Variants in SIK2 observed in about 807,000 individuals in gnomAD.
SIK2 encodes serine/threonine-protein kinase SIK2.
SIK2 carries 29 observed loss-of-function variants against 103.2 expected under a neutral mutation model. The ratio of observed to expected loss-of-function variants is 0.28; its 90% CI spans 0.21 to 0.38. SIK2 has a LOEUF of 0.38. Among genes scored for constraint, SIK2 ranks in the 10% least tolerant of loss-of-function variants. The pLI is 1.00. For synonymous variants in SIK2, 412 were observed against 446.1 expected, an observed-to-expected ratio of 0.92 and a Z score of 0.96; for missense variants, 879 against 1,171.0, an observed-to-expected ratio of 0.75 and a Z score of 3.64.
chr11:111,620,327 AT>A lies in SIK2; in HGVS notation c.253-9del. On this transcript the variant is annotated splice_polypyrimidine_tract_variant and intron_variant, in intron 2 of 14. Coordinates refer to ENST00000304987, the MANE Select transcript of SIK2 (RefSeq NM_015191.3). ...ATTTCTGTCAGACTAATATGGAATT[AT>A]TTATCAATAGGTAATGGAGACCAAA... is the stretch of plus-strand genomic sequence containing the variant. The A allele has an allele frequency of 6.5e-7, 1 of 1,532,328 alleles. No individual in the cohort carries two copies. Among genetic ancestry groups the A allele is most frequent in the Non-Finnish European group, 8.9e-7 (1 of 1,123,006 alleles). The allele number at this position is 1,532,328 out of a possible 1,614,324, so 94.9% of individuals were successfully genotyped here. A position where few individuals can be genotyped will look rare whatever the true frequency, so the allele number is the denominator to read the frequency against.
At chr11:111,693,004 A>AG (rs1942983595) in intron 4 of SIK2, among the ~76,000 whole-genome samples, 1 of 152,124 alleles carries the variant, frequency 6.6e-6, no homozygotes, top group African/African-American at 2.4e-5. Context: ...CATGGCTTTG[A>AG]GATCAGTTTC....
At chr11:111,631,987 G>C (rs1942046670) in intron 3 of SIK2, among the ~76,000 whole-genome samples, 1 of 152,126 alleles carries the variant, frequency 6.6e-6, no homozygotes, top group South Asian at 2.1e-4. Context: ...ACAAAGAGTT[G>C]AAGTAGTTTC....
At chr11:111,651,277 A>G (rs1325283710) in intron 3 of SIK2, among the ~76,000 whole-genome samples, 3 of 152,212 alleles carry the variant, frequency 2.0e-5, no homozygotes, top group Admixed American at 1.3e-4. Context: ...GCTTACAAAG[A>G]CATGGAATCA....
intron 8 of SIK2, among the ~76,000 whole-genome samples, chr11:111,710,395 T>G (rs1389004169): frequency 2.0e-5 from 3 of 152,236 alleles, no homozygotes; most frequent in Non-Finnish European, 4.4e-5. Flanking sequence ...TAATGCTACT[T>G]TATCTTATAC....
At chr11:111,720,345 G>C (rs1466794537) in intron 10 of SIK2, 133 bp from the exon 11 acceptor site, 1 of 973,552 alleles carries the variant, frequency 1.0e-6, no homozygotes, top group Non-Finnish European at 1.5e-6. Flanking sequence ...CAGTAAAAGG[G>C]CTCTGAAAAG....
chr11:111,685,444 G>T (rs1010808521), intron 3 of SIK2, among the ~76,000 whole-genome samples: 1 of 152,202 alleles, frequency 6.6e-6, no homozygotes, highest in African/African-American at 2.4e-5. Context: ...ATTACATACA[G>T]TGTGAGGCAG....
chr11:111,624,997 G>A (rs1415522377), intron 3 of SIK2, among the ~76,000 whole-genome samples: 3 of 152,088 alleles, frequency 2.0e-5, no homozygotes, highest in African/African-American at 7.2e-5. Context: ...GTGTGTCCAA[G>A]GGGTAACAGG....
intron 8 of SIK2, among the ~76,000 whole-genome samples, chr11:111,708,726 A>G (rs1473072807): frequency 3.3e-5 from 5 of 151,966 alleles, no homozygotes; most frequent in Admixed American, 1.3e-4. Flanking sequence ...TGGGACCACA[A>G]GTGCATGCCA....
intron 3 of SIK2, among the ~76,000 whole-genome samples, chr11:111,674,561 T>A (rs1441849918): frequency 3.3e-5 from 5 of 152,180 alleles, no homozygotes; most frequent in African/African-American, 1.2e-4. Flanking sequence ...GGTCTTAATA[T>A]CTAAAGATGT....
chr11:111,616,772 C>T (rs1470248110), intron 2 of SIK2, among the ~76,000 whole-genome samples: 1 of 151,808 alleles, frequency 6.6e-6, no homozygotes, highest in Non-Finnish European at 1.5e-5. Flanking sequence ...CTTGAGGTTG[C>T]AGTGAGCTAT....
At position 111,617,823 on chromosome 11, in the gene SIK2, C is replaced by CTGTTTGTGT. The variant is rs1307858483; in HGVS notation, c.252+1464_252+1465insTGTTTGTGT. On this transcript the variant is annotated intron_variant, in intron 2 of 14. Transcript: ENST00000304987. ...TTTATATATACGTCACCATATGTGCCATGTGTGTTTGTGTATGTGTGTGTG... is the reference window on the plus strand; with the variant it reads ...TTTATATATACGTCACCATATGTGCCTGTTTGTGTATGTGTGTTTGTGTATGTGTGTGTG... Among the ~76,000 whole-genome samples the CTGTTTGTGT allele has an allele frequency of 2.2e-4, 33 of 151,160 alleles. 1 individual carries two copies. The South Asian group carries it at 5.1e-3, about 23-fold the overall frequency.
chr11:111,607,515 A>G (rs943877233), intron 1 of SIK2, among the ~76,000 whole-genome samples: 1 of 152,176 alleles, frequency 6.6e-6, no homozygotes, highest in South Asian at 2.1e-4. Flanking sequence ...GACTCCTTTC[A>G]GTAGTCTTGG....
intron 3 of SIK2, among the ~76,000 whole-genome samples, chr11:111,638,380 T>C (rs1175633923): frequency 6.6e-6 from 1 of 152,158 alleles, no homozygotes; most frequent in African/African-American, 2.4e-5. Flanking sequence ...GATTTGGGGA[T>C]TGAATTATTT....
At chr11:111,616,181 T>A in intron 1 of SIK2, 62 bp from the exon 2 acceptor site, 1 of 1,117,884 alleles carries the variant, frequency 8.9e-7, no homozygotes, top group Non-Finnish European at 1.3e-6. Context: ...TTGACAGGAT[T>A]CTTAACTAGA....
chr11:111,648,473 G>T (rs1466956628), intron 3 of SIK2, among the ~76,000 whole-genome samples: 2 of 152,046 alleles, frequency 1.3e-5, no homozygotes, highest in African/African-American at 4.8e-5. Flanking sequence ...ATCCTGAACA[G>T]TGCCCTCATG....
rs1009958372 is a variant in SIK2 at position 111,728,794 on chromosome 11, G to T, written c.*4665G>T. On this transcript the variant is annotated 3_prime_UTR_variant, in exon 15 of 15. Coordinates refer to ENST00000304987, the MANE Select transcript of SIK2 (RefSeq NM_015191.3). ...AAAAAATTAGCCGGGCGTGGTGGTG[G>T]GCGCCTGTAGTTCCAGCTACTCGGG... 6.6e-6 allele frequency: 1 copy of T among 152,068 alleles called. No individual in the cohort carries two copies. The highest frequency in any genetic ancestry group is 2.4e-5 in the African/African-American group (1 of 41,404). The allele number at this position is 152,068 out of a possible 1,614,324, so 9.4% of individuals were successfully genotyped here. A position where few individuals can be genotyped will look rare whatever the true frequency, so the allele number is the denominator to read the frequency against.
intron 3 of SIK2, among the ~76,000 whole-genome samples, chr11:111,665,365 G>A (rs753134052): frequency 3.3e-4 from 50 of 152,120 alleles, no homozygotes; most frequent in Non-Finnish European, 6.9e-4. Flanking sequence ...GGAGGTGTGT[G>A]GTGGGGGTGC....
intron 3 of SIK2, among the ~76,000 whole-genome samples, chr11:111,673,158 G>T (rs1167903951): frequency 6.6e-6 from 1 of 152,106 alleles, no homozygotes; most frequent in Non-Finnish European, 1.5e-5. Context: ...TCTTTTAAAG[G>T]CCACAGAAGA....
chr11:111,606,901 G>T (rs981119999), intron 1 of SIK2, among the ~76,000 whole-genome samples: 6 of 151,194 alleles, frequency 4.0e-5, no homozygotes, highest in African/African-American at 1.2e-4. Context: ...GTTGCTTGAG[G>T]CCAGGAGTTG....
Sources: allele counts gnomAD v4.1 joint callset (sites outside exome capture counted in the v4.1 genomes callset), GRCh38; gene constraint gnomAD v4.1.1; transcripts MANE v1.5; gene names NCBI Gene and HGNC (gene_info 2026-07-23, HGNC 2026-07-21).